The following SLC2A14 variants were observed in gnomAD, a reference collection of about 807,000 sequenced individuals.
The protein encoded by SLC2A14 is solute carrier family 2, facilitated glucose transporter member 14.
SLC2A14 carries 13 observed loss-of-function variants against 43.0 expected under a neutral mutation model. That is an observed-to-expected ratio of 0.30 (90% CI 0.20 to 0.48). The LOEUF is 0.48. SLC2A14 is among the 20% of genes least tolerant of loss of function. The pLI is 0.99. For missense variants in SLC2A14, 428 were observed against 620.4 expected (o/e 0.69, Z 3.29); for synonymous variants, 190 against 233.8 (o/e 0.81, Z 1.71).
At chr12:7,822,200 C>A (rs893438355) in intron 7 of SLC2A14, among the ~76,000 whole-genome samples, 2 of 151,646 alleles carry the variant, frequency 1.3e-5, no homozygotes, top group Non-Finnish European at 2.9e-5. Flanking sequence ...ACCTTGTGAT[C>A]CACCCACCTC....
At chr12:7,880,810 G>T (rs1351336151) in intron 1 of SLC2A14, among the ~76,000 whole-genome samples, 1 of 150,966 alleles carries the variant, frequency 6.6e-6, no homozygotes, top group Non-Finnish European at 1.5e-5. Context: ...TTCAAGACCA[G>T]CCTGGCCAAC....
chr12:7,845,788 A>AG (rs1866419867), intron 2 of SLC2A14, among the ~76,000 whole-genome samples: 1 of 132,046 alleles, frequency 7.6e-6, no homozygotes, highest in Non-Finnish European at 1.6e-5. Flanking sequence ...CAAAAAAAAA[A>AG]AAAAAAGAAA....
intron 7 of SLC2A14, among the ~76,000 whole-genome samples, chr12:7,823,361 C>T (rs774923056): frequency 7.3e-6 from 1 of 136,212 alleles, no homozygotes; most frequent in East Asian, 2.1e-4. Flanking sequence ...CTAGCCTGGG[C>T]AACAGAGCGA....
intron 2 of SLC2A14, among the ~76,000 whole-genome samples, chr12:7,849,832 G>A (rs1176363195): frequency 6.6e-6 from 1 of 151,048 alleles, no homozygotes; most frequent in Admixed American, 6.6e-5. Context: ...TTGAACCTGG[G>A]AGGTAGAGGT....
rs1944366537 is a variant in SLC2A14, at chr12:7,858,364, T to G, written c.18+11499A>C. 2.0e-5 allele frequency among the ~76,000 whole-genome samples: 3 copies of G among 152,314 alleles called. No homozygotes were observed. The East Asian group carries it at 5.8e-4, about 29-fold the overall frequency. ...ATATAAATGGGTTGTATTTTATTAC[T>G]GAGTTGTAAAAGGACTTTACATATT... On this transcript the variant is annotated intron_variant, in intron 2 of 10. Transcript: ENST00000431042.
chr12:7,866,224 C>CAAAAAA (rs1294745106), intron 2 of SLC2A14, among the ~76,000 whole-genome samples: 6 of 93,538 alleles, frequency 6.4e-5, no homozygotes, highest in African/African-American at 8.7e-5. Flanking sequence ...GACTCTGTCT[C>CAAAAAA]AAAAAAAAAA....
At chr12:7,830,961 TAA>T (rs1294356665) in intron 4 of SLC2A14, among the ~76,000 whole-genome samples, 1 of 151,838 alleles carries the variant, frequency 6.6e-6, no homozygotes. Context: ...CCATCTCTAC[TAA>T]AAATACAAAA....
intron 2 of SLC2A14, among the ~76,000 whole-genome samples, chr12:7,842,377 T>G (rs1171894415): frequency 6.6e-6 from 1 of 152,194 alleles, no homozygotes; most frequent in Non-Finnish European, 1.5e-5. Flanking sequence ...TTCAACTCAT[T>G]TATGTAAGTA....
chr12:7,858,180 A>G (rs907671118), intron 2 of SLC2A14, among the ~76,000 whole-genome samples: 2 of 152,060 alleles, frequency 1.3e-5, no homozygotes, highest in Admixed American at 1.3e-4. Flanking sequence ...ATAATTCCCT[A>G]TTGAACCTAT....
chr12:7,824,809 CTGAT>C (rs924611136), intron 7 of SLC2A14, among the ~76,000 whole-genome samples: 15 of 150,934 alleles, frequency 9.9e-5, no homozygotes, highest in African/African-American at 3.6e-4. Flanking sequence ...ATGCATCAGA[CTGAT>C]TGATTGATTG....
chr12:7,822,529 C>T (rs1027685430), intron 7 of SLC2A14, among the ~76,000 whole-genome samples: 4 of 151,880 alleles, frequency 2.6e-5, no homozygotes, highest in Admixed American at 6.6e-5. Context: ...ATTAGCCAGG[C>T]GTGGTGGCGG....
intron 2 of SLC2A14, among the ~76,000 whole-genome samples, chr12:7,845,778 C>A (rs1386649242): frequency 5.0e-4 from 52 of 104,104 alleles, no homozygotes; most frequent in Admixed American, 5.5e-4. Context: ...GACTCCATCT[C>A]AAAAAAAAAA....
At chr12:7,879,540 C>A (rs1257012050) in intron 1 of SLC2A14, among the ~76,000 whole-genome samples, 2 of 151,944 alleles carry the variant, frequency 1.3e-5, no homozygotes, top group East Asian at 3.9e-4. Context: ...AAAAATTAGC[C>A]AGGCATGCTG....
rs748125827 is a variant in SLC2A14 at position 7,821,344 on chromosome 12, T to C, written c.865-19A>G. ...AGAACACCTAGGAGAAAAGAAAACATGCAGCTTTGATAAAATTCTGCACAC... is the reference window on the plus strand; with the variant it reads ...AGAACACCTAGGAGAAAAGAAAACACGCAGCTTTGATAAAATTCTGCACAC... On this transcript the variant is annotated intron_variant, in intron 7 of 10. Coordinates refer to ENST00000431042, the MANE Select transcript of SLC2A14 (RefSeq NM_001286234.2). The C allele has an allele frequency of 1.6e-5, 26 of 1,599,468 alleles. No individual in the cohort carries two copies. The Admixed American group carries it at 2.3e-4, about 14-fold the overall frequency.
intron 1 of SLC2A14, among the ~76,000 whole-genome samples, chr12:7,881,322 G>C (rs1357508968): frequency 6.6e-6 from 1 of 152,012 alleles, no homozygotes; most frequent in African/African-American, 2.4e-5. Context: ...GTGCTTGCGG[G>C]CCAGCACGAG....
intron 2 of SLC2A14, among the ~76,000 whole-genome samples, chr12:7,867,306 A>AAAAAAAAAAAAAAAAAAAAAAAC (rs1944979230): frequency 7.7e-6 from 1 of 129,884 alleles, no homozygotes. Context: ...AAAAACAAAA[A>AAAAAAAAAAAAAAAAAAAAAAAC]AAACATTCGT....
upstream of SLC2A14, chr12:7,873,481 A>G (rs1945348070): frequency 2.5e-6 from 1 of 405,880 alleles, no homozygotes; most frequent in African/African-American, 2.2e-5. Flanking sequence ...GTCTTTACTA[A>G]AAATAACAAA....
intron 2 of SLC2A14, among the ~76,000 whole-genome samples, chr12:7,855,459 GACC>G (rs1867281212): frequency 6.6e-6 from 1 of 151,394 alleles, no homozygotes; most frequent in African/African-American, 2.4e-5. Flanking sequence ...GTTTTTTGAT[GACC>G]ACCCCCTTGC....
intron 2 of SLC2A14, among the ~76,000 whole-genome samples, chr12:7,841,404 G>A (rs144008892): frequency 5.7e-4 from 86 of 152,134 alleles, no homozygotes; most frequent in African/African-American, 2.0e-3. Flanking sequence ...GGGATTACAG[G>A]CACCCATCAC....
Sources: gnomAD v4.1 joint callset for allele counts (sites outside exome capture counted in the v4.1 genomes callset) on GRCh38, gnomAD v4.1.1 for gene constraint, MANE v1.5 for transcripts, NCBI Gene and HGNC (gene_info 2026-07-23, HGNC 2026-07-21) for gene names.